ARHGAP8: variants seen among roughly 807,000 people sequenced by gnomAD.
ARHGAP8 encodes rho GTPase-activating protein 8.
Under a neutral mutation model 46.1 loss-of-function variants are expected in ARHGAP8, and 62 were observed. That is an observed-to-expected ratio of 1.34 (90% CI 1.10 to 1.66). The LOEUF (loss-of-function observed/expected upper bound fraction) is 1.66. Ranked by LOEUF, ARHGAP8 falls within the 40% of genes most tolerant of loss-of-function variation. The probability of loss-of-function intolerance (pLI) is 0.00; values close to 1 mark genes in which losing one functional copy is unlikely to be tolerated. For missense variants in ARHGAP8, 923 were observed against 568.4 expected (o/e 1.62, Z -6.34); for synonymous variants, 375 against 243.1 (o/e 1.54, Z -5.05).
chr22:44,831,138 A>G (rs1930917625), intron 7 of ARHGAP8, among the ~76,000 whole-genome samples: 1 of 152,008 alleles, frequency 6.6e-6, no homozygotes, highest in Non-Finnish European at 1.5e-5. Flanking sequence ...TTTTGATGGT[A>G]TTTTCTGAAG....
intron 1 of ARHGAP8, among the ~76,000 whole-genome samples, chr22:44,782,105 C>T (rs564911080): frequency 2.0e-5 from 3 of 152,118 alleles, no homozygotes; most frequent in East Asian, 3.9e-4. Context: ...GAGGCTGAGG[C>T]GGGCAGATCA....
At chr22:44,846,295 T>C (rs537203632) in intron 8 of ARHGAP8, among the ~76,000 whole-genome samples, 2 of 152,344 alleles carry the variant, frequency 1.3e-5, no homozygotes, top group East Asian at 3.9e-4. Flanking sequence ...AGTGGGTTGA[T>C]TTCCTCTTTG....
intron 7 of ARHGAP8, among the ~76,000 whole-genome samples, chr22:44,840,857 A>G (rs1931607210): frequency 6.6e-6 from 1 of 152,158 alleles, no homozygotes; most frequent in African/African-American, 2.4e-5. Flanking sequence ...TCGCTTTTAA[A>G]AGAGCACTCT....
At position 44,862,723 on chromosome 22, in the gene ARHGAP8, C is replaced by A; in HGVS notation, c.*128C>A. The A allele has an allele frequency of 8.5e-7, 1 of 1,171,266 alleles. No individual in the cohort carries two copies. Among genetic ancestry groups the A allele is most frequent in the Non-Finnish European group, 1.2e-6 (1 of 862,772 alleles). The allele number at this position is 1,171,266 out of a possible 1,614,324, so 72.6% of individuals were successfully genotyped here. ...AATTCAGAACCTTCTAATGAAAACTCCATGCCTCTGGTCCTTGGACTCTTG... is the reference window on the plus strand; with the variant it reads ...AATTCAGAACCTTCTAATGAAAACTACATGCCTCTGGTCCTTGGACTCTTG... On this transcript the variant is annotated 3_prime_UTR_variant, in exon 12 of 12. Coordinates refer to ENST00000356099, the MANE Select transcript of ARHGAP8 (RefSeq NM_181335.3).
At chr22:44,797,283 C>G (rs190743941) in intron 2 of ARHGAP8, among the ~76,000 whole-genome samples, 203 of 145,058 alleles carry the variant, frequency 1.4e-3, no homozygotes, top group African/African-American at 4.9e-3. Context: ...ATTGATTTGA[C>G]TCCTTGTTTC....
At chr22:44,828,816 C>T (rs975409489) in intron 7 of ARHGAP8, among the ~76,000 whole-genome samples, 3 of 152,016 alleles carry the variant, frequency 2.0e-5, no homozygotes, top group African/African-American at 7.3e-5. Context: ...GTCTCCAGCC[C>T]GTTACTGGGG....
intron 4 of ARHGAP8, among the ~76,000 whole-genome samples, chr22:44,813,549 T>C (rs1484048812): frequency 1.3e-5 from 2 of 151,728 alleles, no homozygotes; most frequent in Non-Finnish European, 1.5e-5. Context: ...TATACACTTA[T>C]ATACACATAC....
At chr22:44,798,211 G>T (rs1928235421) in intron 2 of ARHGAP8, among the ~76,000 whole-genome samples, 1 of 144,336 alleles carries the variant, frequency 6.9e-6, no homozygotes, top group South Asian at 2.2e-4. Flanking sequence ...CCTCACCTAG[G>T]GTGATCCACC....
Position 44,849,061 on chromosome 22 carries a change from G to A in ARHGAP8, c.877+1G>A. 6.2e-7 allele frequency: 1 copy of A among 1,613,792 alleles called. No individual in the cohort carries two copies. Among genetic ancestry groups the A allele is most frequent in the Non-Finnish European group, 8.5e-7 (1 of 1,179,944 alleles). ...TACGAGCAGATTCTCGGGATCACCT[G>A]TGCGTAGCTGCCCTGGCGCAGGGGT... On this transcript the variant is annotated splice_donor_variant, in intron 10 of 11. Transcript: ENST00000356099. LOFTEE classifies it high-confidence loss of function.
chr22:44,763,631 C>T (rs1263307398), intron 1 of ARHGAP8, among the ~76,000 whole-genome samples: 9 of 151,464 alleles, frequency 5.9e-5, no homozygotes, highest in South Asian at 2.1e-4. Flanking sequence ...AAAAGGGAAT[C>T]GGAAGGACAG....
chr22:44,839,005 G>A (rs752827418), intron 7 of ARHGAP8, among the ~76,000 whole-genome samples: 6 of 152,196 alleles, frequency 3.9e-5, no homozygotes, highest in East Asian at 3.9e-4. Context: ...GAAACTGGCC[G>A]GTGGTGATCT....
At chr22:44,823,973 A>G (rs1378801542) in intron 6 of ARHGAP8, among the ~76,000 whole-genome samples, 2 of 152,146 alleles carry the variant, frequency 1.3e-5, no homozygotes, top group Non-Finnish European at 2.9e-5. Flanking sequence ...CCCCTGTTCC[A>G]TAGCCATGCA....
At chr22:44,841,341 C>T (rs905508970) in intron 7 of ARHGAP8, among the ~76,000 whole-genome samples, 1 of 152,166 alleles carries the variant, frequency 6.6e-6, no homozygotes, top group Non-Finnish European at 1.5e-5. Context: ...GGTCCATTCT[C>T]ATTTAATTCT....
intron 3 of ARHGAP8, among the ~76,000 whole-genome samples, chr22:44,806,784 C>G (rs1001774705): frequency 3.3e-5 from 5 of 151,822 alleles, no homozygotes; most frequent in African/African-American, 9.7e-5. Flanking sequence ...GAAACCCCGC[C>G]TCTACTAAAA....
intron 3 of ARHGAP8, 109 bp from the exon 4 acceptor site, chr22:44,808,198 C>T (rs775258184): frequency 2.8e-5 from 42 of 1,505,524 alleles, no homozygotes; most frequent in East Asian, 6.9e-5. Context: ...CCATGTGGCC[C>T]GGTGCTGGCA....
chr22:44,756,785 A>T (rs1924716944), intron 1 of ARHGAP8, among the ~76,000 whole-genome samples: 1 of 152,138 alleles, frequency 6.6e-6, no homozygotes, highest in African/African-American at 2.4e-5. Context: ...AAACAAAAAT[A>T]GTACACATTT....
chr22:44,763,433 G>T (rs1925295648), intron 1 of ARHGAP8, among the ~76,000 whole-genome samples: 1 of 143,708 alleles, frequency 7.0e-6, no homozygotes, highest in Admixed American at 7.3e-5. Flanking sequence ...GGAGGCAGAG[G>T]TTGCACCGAG....
chr22:44,862,743 C>T lies in ARHGAP8; in HGVS notation c.*148C>T. Reference sequence around the variant, plus strand: ...AAACTCCATGCCTCTGGTCCTTGGACTCTTGTCCATGGTTCCTGAGCTGTG... The same window carrying T: ...AAACTCCATGCCTCTGGTCCTTGGATTCTTGTCCATGGTTCCTGAGCTGTG... On this transcript the variant is annotated 3_prime_UTR_variant, in exon 12 of 12. Transcript: ENST00000356099. 1.0e-6 allele frequency: 1 copy of T among 976,152 alleles called. No individual in the cohort carries two copies. The highest frequency in any genetic ancestry group is 1.4e-6 in the Non-Finnish European group (1 of 694,466). 60.5% of individuals were successfully genotyped at this position (976,152 alleles called of 1,614,324 possible).
chr22:44,754,174 G>A (rs1924476738), intron 1 of ARHGAP8, among the ~76,000 whole-genome samples: 1 of 152,168 alleles, frequency 6.6e-6, no homozygotes, highest in Non-Finnish European at 1.5e-5. Flanking sequence ...GCTTCCTGGA[G>A]GAGGTGGCCA....
Sources: allele counts gnomAD v4.1 joint callset (sites outside exome capture counted in the v4.1 genomes callset), GRCh38; gene constraint gnomAD v4.1.1; transcripts MANE v1.5; gene names NCBI Gene and HGNC (gene_info 2026-07-23, HGNC 2026-07-21).